Variants in SLC41A3 observed in about 807,000 individuals in gnomAD.
SLC41A3 encodes solute carrier family 41 member 3, also known as SLC41A1-like 2.
A neutral mutation model predicts 45.4 loss-of-function variants in SLC41A3; 44 were observed. The observed-to-expected ratio is 0.97, with a 90% CI of 0.76 to 1.25. The LOEUF (loss-of-function observed/expected upper bound fraction) is 1.25. Among genes scored for constraint, SLC41A3 ranks in the 50% most tolerant of loss-of-function variants. The pLI is 0.00. For missense variants in SLC41A3, 550 were observed against 600.6 expected, an observed-to-expected ratio of 0.92 and a Z score of 0.88; for synonymous variants, 256 against 252.4, an observed-to-expected ratio of 1.01 and a Z score of -0.13.
intron 8 of SLC41A3, 36 bp from the exon 9 acceptor site, chr3:126,012,785 T>G: frequency 6.2e-7 from 1 of 1,612,102 alleles, no homozygotes; most frequent in East Asian, 2.2e-5. Context: ...TCCCTTTCTT[T>G]ACGCCAGTCT....
At chr3:126,071,799 C>A (rs1287895309) in intron 1 of SLC41A3, among the ~76,000 whole-genome samples, 1 of 144,778 alleles carries the variant, frequency 6.9e-6, no homozygotes, top group African/African-American at 2.6e-5. Context: ...GAGATAGGGT[C>A]TTATTCTGGC....
In SLC41A3 at chr3:126,006,463, C is replaced by T. The variant is rs374841928; in HGVS notation, c.*553G>A. On this transcript the variant is annotated 3_prime_UTR_variant, in exon 11 of 11. Coordinates refer to ENST00000360370, the MANE Select transcript of SLC41A3 (RefSeq NM_017836.4). ...GGAAAATAAAAAGACAGCAAGGACA[C>T]GATTAAATGTTGAGTGCAGATGAAG... The T allele has an allele frequency of 1.9e-5, 30 of 1,613,666 alleles. No homozygotes were observed. The highest frequency in any genetic ancestry group is 8.0e-5 in the African/African-American group (6 of 74,882).
intron 6 of SLC41A3, 46 bp downstream of exon 6, chr3:126,022,740 C>G (rs1423002792): frequency 6.2e-7 from 1 of 1,609,646 alleles, no homozygotes; most frequent in East Asian, 2.2e-5. Context: ...CTCCAGGGCC[C>G]CCCCTCCACG....
chr3:126,049,151 A>C (rs1943162137), intron 3 of SLC41A3, among the ~76,000 whole-genome samples: 1 of 152,066 alleles, frequency 6.6e-6, no homozygotes, highest in Non-Finnish European at 1.5e-5. Flanking sequence ...ATTTTAAGAG[A>C]ATTAAAACAC....
At chr3:126,028,915 G>A (rs1168341833) in intron 4 of SLC41A3, among the ~76,000 whole-genome samples, 1 of 152,194 alleles carries the variant, frequency 6.6e-6, no homozygotes, top group African/African-American at 2.4e-5. Flanking sequence ...TCTGCATGAC[G>A]CCCATAACCC....
chr3:126,061,958 G>T (rs1944094937), intron 2 of SLC41A3, among the ~76,000 whole-genome samples: 1 of 152,132 alleles, frequency 6.6e-6, no homozygotes, highest in Admixed American at 6.5e-5. Context: ...GGTGCTCCCT[G>T]GCACTCCTGC....
At position 126,026,302 on chromosome 3, in the gene SLC41A3, C is replaced by G; in HGVS notation, c.598+33G>C. The G allele has an allele frequency of 6.4e-7, 1 of 1,551,508 alleles. No homozygotes were observed. Among genetic ancestry groups the G allele is most frequent in the Non-Finnish European group, 8.7e-7 (1 of 1,146,756 alleles). On this transcript the variant is annotated intron_variant, in intron 5 of 10. Coordinates refer to ENST00000360370, the MANE Select transcript of SLC41A3 (RefSeq NM_017836.4). The surrounding 1 kb of genome is among the most constrained non-coding windows in gnomAD (Gnocchi z 4.2). ...GGTGGGACCTCAGAGGAGCAGGGAG[C>G]GGGTGGGGGCTCACAGCTGGGGCAT...
intron 1 of SLC41A3, among the ~76,000 whole-genome samples, chr3:126,080,516 C>G (rs73198420): frequency 0.069 from 10,490 of 152,262 alleles, 478 homozygotes; most frequent in South Asian, 0.18. Flanking sequence ...TATTATCCCA[C>G]CCCATTTTAA....
chr3:126,073,502 G>A (rs1445499362), intron 1 of SLC41A3, among the ~76,000 whole-genome samples: 1 of 151,936 alleles, frequency 6.6e-6, no homozygotes, highest in Non-Finnish European at 1.5e-5. Flanking sequence ...TTTATTACCT[G>A]GGTGACAAAA....
At chr3:126,065,826 T>C (rs951445313) in intron 2 of SLC41A3, among the ~76,000 whole-genome samples, 2 of 152,124 alleles carry the variant, frequency 1.3e-5, no homozygotes, top group Non-Finnish European at 2.9e-5. Context: ...CCTTAATATA[T>C]ACAAAGCCCC....
At chr3:126,078,891 C>T (rs1337063664) in intron 1 of SLC41A3, 2 of 152,242 alleles carry the variant, frequency 1.3e-5, no homozygotes, top group African/African-American at 2.4e-5. Flanking sequence ...CCAGCCTTGA[C>T]GTCAAGCTAT....
chr3:126,023,194 G>C (rs1941055587), intron 5 of SLC41A3: 1 of 417,556 alleles, frequency 2.4e-6, no homozygotes, highest in African/African-American at 2.0e-5. Context: ...ATGATGCTAA[G>C]GAGTGACCCG....
chr3:126,059,307 A>AAAGAAAGAAAAAGAAAGGAAGG (rs1559870097), intron 2 of SLC41A3, among the ~76,000 whole-genome samples: 1 of 59,348 alleles, frequency 1.7e-5, no homozygotes, highest in Admixed American at 2.0e-4. Flanking sequence ...AGAAAGAAAG[A>AAAGAAAGAAAAAGAAAGGAAGG]AAGGAAGGAT....
intron 1 of SLC41A3, among the ~76,000 whole-genome samples, chr3:126,070,960 C>G (rs1269253465): frequency 6.6e-6 from 1 of 151,204 alleles, no homozygotes. Context: ...TATTATAAAC[C>G]AAGGTGCTGA....
chr3:126,054,743 C>A (rs570709350), intron 2 of SLC41A3, among the ~76,000 whole-genome samples: 1 of 152,038 alleles, frequency 6.6e-6, no homozygotes, highest in African/African-American at 2.4e-5. Flanking sequence ...TCTTCCTTCA[C>A]AGGCAAACAC....
intron 1 of SLC41A3, among the ~76,000 whole-genome samples, chr3:126,098,800 A>G (rs1299847073): frequency 6.6e-6 from 1 of 152,204 alleles, no homozygotes; most frequent in Non-Finnish European, 1.5e-5. Context: ...GCCTTAGTCC[A>G]GGGCTGGCCT....
intron 5 of SLC41A3, chr3:126,024,184 A>G (rs1000243563): frequency 6.6e-6 from 1 of 152,230 alleles, no homozygotes; most frequent in African/African-American, 2.4e-5. Context: ...CTGAACAGCC[A>G]TGGACAATAC....
At chr3:126,009,881 C>A (rs755103260) in intron 9 of SLC41A3, among the ~76,000 whole-genome samples, 11 of 152,194 alleles carry the variant, frequency 7.2e-5, no homozygotes, top group Non-Finnish European at 1.6e-4. Context: ...CAGAAAATAA[C>A]AGCTTTTCTA....
rs756235176 is a variant in SLC41A3 at position 126,068,245 on chromosome 3, C to G, written c.-26G>C. 1.4e-4 allele frequency: 208 copies of G among 1,494,408 alleles called. No individual in the cohort carries two copies. The highest frequency in any genetic ancestry group is 1.6e-4 in the Non-Finnish European group (183 of 1,123,528). 92.6% of individuals were successfully genotyped at this position (1,494,408 alleles called of 1,614,324 possible). A position where few individuals can be genotyped will look rare whatever the true frequency, so the allele number is the denominator to read the frequency against. On this transcript the variant is annotated splice_region_variant and 5_prime_UTR_variant, in exon 2 of 11. Coordinates refer to ENST00000360370, the MANE Select transcript of SLC41A3 (RefSeq NM_017836.4). ...CTGGGCACAGCTGGGCGCCTGGCAG[C>G]CCTACAGTGGGAGACACAAAGTTGT...
Sources: allele counts gnomAD v4.1 joint callset (sites outside exome capture counted in the v4.1 genomes callset), GRCh38; gene constraint gnomAD v4.1.1; non-coding constraint Gnocchi (gnomAD v3.1); transcripts MANE v1.5; gene names NCBI Gene and HGNC (gene_info 2026-07-23, HGNC 2026-07-21).